Variants in MCM9 observed in about 807,000 individuals in gnomAD.
MCM9 encodes minichromosome maintenance 9 homologous recombination repair factor, also known as DNA helicase MCM9.
In MCM9, 55 loss-of-function variants were observed where a neutral mutation model predicts 72.8. The ratio of observed to expected loss-of-function variants is 0.76; its 90% CI spans 0.61 to 0.95. The LOEUF is 0.95. Among genes scored for constraint, MCM9 ranks in the 40% least tolerant of loss-of-function variants. The pLI, the probability that MCM9 is intolerant of heterozygous loss-of-function variation, is 0.00. For missense variants in MCM9, 1,279 were observed against 1,377.0 expected (o/e 0.93, Z 1.13); for synonymous variants, 480 against 503.4 (o/e 0.95, Z 0.62).
At chr6:118,839,903 G>C (rs1775233924) in intron 9 of MCM9, among the ~76,000 whole-genome samples, 2 of 152,178 alleles carry the variant, frequency 1.3e-5, no homozygotes, top group South Asian at 4.1e-4. Flanking sequence ...ACGGGAGTCA[G>C]GGACCCACTT....
chr6:118,861,176 C>A (rs1299820087), intron 8 of MCM9, among the ~76,000 whole-genome samples: 3 of 152,168 alleles, frequency 2.0e-5, no homozygotes, highest in African/African-American at 7.2e-5. Flanking sequence ...TGCAGCTGGA[C>A]CAGACGTACC....
chr6:118,916,275 C>T (rs1780938136), intron 6 of MCM9, among the ~76,000 whole-genome samples: 1 of 149,652 alleles, frequency 6.7e-6, no homozygotes, highest in Non-Finnish European at 1.5e-5. Context: ...CTTCATAAAT[C>T]TATAATGTAG....
intron 4 of MCM9, 144 bp downstream of exon 4, chr6:118,923,667 G>A (rs1781621200): frequency 1.4e-6 from 1 of 693,262 alleles, no homozygotes. Flanking sequence ...TCAGATATAT[G>A]TGGAACAGTT....
intron 9 of MCM9, among the ~76,000 whole-genome samples, chr6:118,837,825 T>C (rs951099289): frequency 2.6e-5 from 4 of 152,244 alleles, no homozygotes; most frequent in Non-Finnish European, 5.9e-5. Flanking sequence ...TTTGCCAGTC[T>C]GTGTCTTTTA....
chr6:118,865,868 T>C (rs1191789800), intron 8 of MCM9, among the ~76,000 whole-genome samples: 1 of 152,006 alleles, frequency 6.6e-6, no homozygotes, highest in Non-Finnish European at 1.5e-5. Context: ...GAGGTGGACA[T>C]ACAATGGGCC....
At chr6:118,876,355 T>G (rs1484038672) in intron 8 of MCM9, among the ~76,000 whole-genome samples, 2 of 152,348 alleles carry the variant, frequency 1.3e-5, no homozygotes, top group African/African-American at 4.8e-5. Flanking sequence ...TGTACAACAC[T>G]GAGTGAATCC....
At chr6:118,894,391 ATTGT>A (rs759693642) in intron 8 of MCM9, 10 of 1,536,326 alleles carry the variant, frequency 6.5e-6, no homozygotes, top group South Asian at 3.6e-5. Flanking sequence ...CCCAGTTCCC[ATTGT>A]TTGTGTTTTT....
intron 8 of MCM9, among the ~76,000 whole-genome samples, chr6:118,890,596 GAGCCT>G (rs1048409387): frequency 1.3e-5 from 2 of 152,064 alleles, no homozygotes; most frequent in African/African-American, 4.8e-5. Flanking sequence ...ATTTCTCACA[GAGCCT>G]AGCATAAAAA....
At chr6:118,840,134 A>C (rs1775248835) in intron 9 of MCM9, among the ~76,000 whole-genome samples, 1 of 150,836 alleles carries the variant, frequency 6.6e-6, no homozygotes, top group Admixed American at 6.6e-5. Flanking sequence ...GAGTGACTTA[A>C]TACTACTGAA....
chr6:118,878,196 A>C (rs1204862994), intron 8 of MCM9, among the ~76,000 whole-genome samples: 1 of 152,188 alleles, frequency 6.6e-6, no homozygotes, highest in African/African-American at 2.4e-5. Context: ...AAAGTATTGT[A>C]CAGCTAAACA....
chr6:118,821,696 G>A (rs1489371413), intron 13 of MCM9, among the ~76,000 whole-genome samples: 2 of 152,064 alleles, frequency 1.3e-5, no homozygotes, highest in Non-Finnish European at 2.9e-5. Flanking sequence ...AGTTCTCCTG[G>A]AAAATATCCA....
At chr6:118,934,114 A>G (rs1012947661) in intron 1 of MCM9, among the ~76,000 whole-genome samples, 9 of 152,226 alleles carry the variant, frequency 5.9e-5, no homozygotes, top group Non-Finnish European at 5.9e-5. Flanking sequence ...AGCAGAATTC[A>G]ACGTTCAAAT....
At chr6:118,892,938 G>A (rs145249910) in intron 8 of MCM9, among the ~76,000 whole-genome samples, 5,575 of 152,168 alleles carry the variant, frequency 0.037, 176 homozygotes, top group South Asian at 0.053. Context: ...ACCAAAGAAT[G>A]ACAAATCAAA....
intron 8 of MCM9, among the ~76,000 whole-genome samples, chr6:118,877,993 C>T (rs1388520008): frequency 6.6e-6 from 1 of 152,062 alleles, no homozygotes; most frequent in Non-Finnish European, 1.5e-5. Flanking sequence ...GAGAGTTCAT[C>T]TCTACAAAAA....
At chr6:118,886,522 C>CA (rs991525103) in intron 8 of MCM9, among the ~76,000 whole-genome samples, 1,868 of 142,440 alleles carry the variant, frequency 0.013, 33 homozygotes, top group African/African-American at 0.04. Context: ...TGACAGATAC[C>CA]AAAAAAAAAA....
chr6:118,898,138 C>T (rs905096818), intron 8 of MCM9, among the ~76,000 whole-genome samples: 1 of 152,154 alleles, frequency 6.6e-6, no homozygotes, highest in African/African-American at 2.4e-5. Context: ...CTTTGATGTA[C>T]AAATTATGAA....
At position 118,815,309 on chromosome 6, in the gene MCM9, A is replaced by C. The variant is rs1773339214; in HGVS notation, c.2947T>G (p.Ser983Ala). ...TTTGTCTCACCCTGTGGCTGACTGG[A>C]GATCTGGTTTCCTGGGGTAGATGTT... Reference protein sequence around the residue: ...KLTSTPGNQISSQPQGETKEV... With the variant: ...KLTSTPGNQIASQPQGETKEV... The change falls in exon 14 of 14, where the codon TCC (serine) becomes GCC (alanine). Residue 983 changes from serine (S) to alanine (A), a missense_variant. Ser to Ala is a moderately conservative substitution (Grantham distance 99, BLOSUM62 1). Transcript: ENST00000619706. 1 of 1,550,328 alleles carries C rather than the reference A, an allele frequency of 6.5e-7. No individual in the cohort carries two copies. Among genetic ancestry groups the C allele is most frequent in the African/African-American group, 1.4e-5 (1 of 72,926 alleles).
At chr6:118,855,060 T>A (rs1776467634) in intron 9 of MCM9, among the ~76,000 whole-genome samples, 1 of 152,194 alleles carries the variant, frequency 6.6e-6, no homozygotes, top group Non-Finnish European at 1.5e-5. Flanking sequence ...ACAAAGTAGC[T>A]GTGGTTATGA....
Position 118,816,079 on chromosome 6 carries a change from G to C in MCM9, c.2177C>G (p.Thr726Arg). 6.5e-7 allele frequency: 1 copy of C among 1,550,108 alleles called. No homozygotes were observed. Among genetic ancestry groups the C allele is most frequent in the Non-Finnish European group, 8.7e-7 (1 of 1,146,670 alleles). Residue 726 changes from threonine (T) to arginine (R), a missense_variant, in exon 14 of 14, where the codon ACA (threonine) becomes AGA (arginine). Physicochemically the swap from Thr to Arg is moderately conservative, Grantham distance 71. Transcript: ENST00000619706. ...PPPHLEPNRSTSRKHSAQHKN... is the reference protein window; with the variant it reads ...PPPHLEPNRSRSRKHSAQHKN... ...GTGCTGAGCTGAATGTTTCCTACTTGTTGATCTATTAGGCTCCAGATGCGG... is the reference window on the plus strand; with the variant it reads ...GTGCTGAGCTGAATGTTTCCTACTTCTTGATCTATTAGGCTCCAGATGCGG...
Sources: gnomAD v4.1 joint callset for allele counts (sites outside exome capture counted in the v4.1 genomes callset) on GRCh38, gnomAD v4.1.1 for gene constraint, MANE v1.5 for transcripts, NCBI Gene and HGNC (gene_info 2026-07-23, HGNC 2026-07-21) for gene names.